Variants in ARFGEF1 observed in about 807,000 individuals in gnomAD.
ARFGEF1 encodes ARF guanine nucleotide exchange factor 1, also known as brefeldin A-inhibited guanine nucleotide-exchange protein 1.
In ARFGEF1, 42 loss-of-function variants were observed where a neutral mutation model predicts 231.0. The ratio of observed to expected loss-of-function variants is 0.18; its 90% CI spans 0.14 to 0.24. ARFGEF1 has a LOEUF of 0.24. ARFGEF1 is among the 10% of genes least tolerant of loss of function. The probability of loss-of-function intolerance (pLI) is 1.00; values close to 1 mark genes in which losing one functional copy is unlikely to be tolerated. For synonymous variants in ARFGEF1, 710 were observed against 732.3 expected (o/e 0.97, Z 0.49); for missense variants, 1,345 against 2,192.0 (o/e 0.61, Z 7.72).
intron 14 of ARFGEF1, among the ~76,000 whole-genome samples, chr8:67,262,957 C>T (rs968251075): frequency 6.6e-6 from 1 of 152,142 alleles, no homozygotes; most frequent in African/African-American, 2.4e-5. Flanking sequence ...TGGTATGGAA[C>T]TGAACCCACA....
chr8:67,245,211 C>A lies in ARFGEF1; in HGVS notation c.2851-4921G>T, dbSNP rs540459072. ...TTTCATCAACACCAGACATGTCCTGCATGAAATGCTAAAGGGAGTACTTCA... is the reference window on the plus strand; with the variant it reads ...TTTCATCAACACCAGACATGTCCTGAATGAAATGCTAAAGGGAGTACTTCA... On this transcript the variant is annotated intron_variant, in intron 19 of 38. Coordinates refer to ENST00000262215, the MANE Select transcript of ARFGEF1 (RefSeq NM_006421.5). Among the ~76,000 whole-genome samples, 30 of 150,536 alleles carry A rather than the reference C, an allele frequency of 2.0e-4. 3 individuals are homozygous for A. The highest frequency in any genetic ancestry group is 5.7e-4 in the African/African-American group (23 of 40,406).
At chr8:67,222,190 T>TATATATATACACACAC (rs1554636816) in intron 29 of ARFGEF1, among the ~76,000 whole-genome samples, 2 of 134,934 alleles carry the variant, frequency 1.5e-5, no homozygotes, top group South Asian at 2.3e-4. Flanking sequence ...CACATATATA[T>TATATATATACACACAC]ATATATATAT....
At chr8:67,241,802 G>C (rs1839938220) in intron 19 of ARFGEF1, among the ~76,000 whole-genome samples, 1 of 152,044 alleles carries the variant, frequency 6.6e-6, no homozygotes. Flanking sequence ...CACTGAAAGG[G>C]ACATTGAAGG....
At chr8:67,283,859 ACT>A (rs1805639266) in intron 7 of ARFGEF1, among the ~76,000 whole-genome samples, 1 of 152,184 alleles carries the variant, frequency 6.6e-6, no homozygotes, top group Admixed American at 6.5e-5. Flanking sequence ...AGAGAAAGGC[ACT>A]CTCATACATT....
At chr8:67,292,769 G>C (rs900623275) in intron 5 of ARFGEF1, among the ~76,000 whole-genome samples, 3 of 151,876 alleles carry the variant, frequency 2.0e-5, no homozygotes, top group Admixed American at 1.3e-4. Context: ...CATTAACTGG[G>C]ATCACAAGAT....
intron 9 of ARFGEF1, among the ~76,000 whole-genome samples, chr8:67,274,194 G>A (rs1046221041): frequency 1.3e-5 from 2 of 151,976 alleles, no homozygotes; most frequent in Non-Finnish European, 2.9e-5. Flanking sequence ...TTTTCATGGG[G>A]TAGTTTCAAA....
downstream of ARFGEF1, chr8:67,193,736 A>G: frequency 1.5e-6 from 1 of 648,832 alleles, no homozygotes; most frequent in Non-Finnish European, 2.5e-6. Context: ...GGCCCAAGAC[A>G]TAGTAACTAT....
intron 1 of ARFGEF1, among the ~76,000 whole-genome samples, chr8:67,310,968 G>GGGGGTCAGCTCCC (rs574813309): frequency 6.9e-6 from 1 of 145,342 alleles, no homozygotes. Flanking sequence ...AGGGAGGTGG[G>GGGGGTCAGCTCCC]GCCCGGGAGG....
chr8:67,292,233 G>A, intron 5 of ARFGEF1, 110 bp from the exon 6 acceptor site: 1 of 866,994 alleles, frequency 1.2e-6, no homozygotes. Context: ...CTCTACGCTT[G>A]GAAATTAAAG....
At chr8:67,272,660 T>C (rs1587184593) in intron 9 of ARFGEF1, among the ~76,000 whole-genome samples, 1 of 152,196 alleles carries the variant, frequency 6.6e-6, no homozygotes, top group South Asian at 2.1e-4. Context: ...TCCAATGGAC[T>C]TTTTTCTGGT....
chr8:67,202,527 G>A (rs564986899), intron 36 of ARFGEF1, among the ~76,000 whole-genome samples: 5 of 152,222 alleles, frequency 3.3e-5, no homozygotes, highest in Admixed American at 2.0e-4. Flanking sequence ...CCGAGTAGCC[G>A]GAACTACAGG....
chr8:67,193,539 AGAGT>A, downstream of ARFGEF1: 1 of 1,613,430 alleles, frequency 6.2e-7, no homozygotes, highest in Non-Finnish European at 8.5e-7. Context: ...TGATGAGCTT[AGAGT>A]GAGAAATGAG....
rs964737658 is a variant in ARFGEF1, at chr8:67,267,915, C to T, written c.1573-473G>A. ...CAATAAAAACAATCTAAGTCTCATA[C>T]GGTTTTATTTTTCTAATTACTCACA... On this transcript the variant is annotated intron_variant, in intron 10 of 38. Coordinates refer to ENST00000262215, the MANE Select transcript of ARFGEF1 (RefSeq NM_006421.5). 3.9e-5 allele frequency among the ~76,000 whole-genome samples: 6 copies of T among 152,204 alleles called. No individual in the cohort carries two copies. In the South Asian group the frequency reaches 8.3e-4, roughly 21 times the overall value.
chr8:67,275,920 A>C, intron 9 of ARFGEF1, 56 bp downstream of exon 9: 1 of 1,599,570 alleles, frequency 6.3e-7, no homozygotes, highest in Non-Finnish European at 8.5e-7. Flanking sequence ...TTACCTTAAC[A>C]GTAAGTTTCA....
chr8:67,237,545 G>A (rs71515060), intron 22 of ARFGEF1, among the ~76,000 whole-genome samples: 2,328 of 152,132 alleles, frequency 0.015, 16 homozygotes, highest in Middle Eastern at 0.027. Flanking sequence ...TAAGTAATGC[G>A]TCCAGATTGG....
chr8:67,299,103 G>T, intron 4 of ARFGEF1, 106 bp downstream of exon 4: 1 of 1,111,784 alleles, frequency 9.0e-7, no homozygotes, highest in Non-Finnish European at 1.2e-6. Context: ...CTGTATTATA[G>T]CTGGAATGCA....
chr8:67,183,482 AAT>A (rs1833554799), intron 5 of ARFGEF1, among the ~76,000 whole-genome samples: 1 of 152,234 alleles, frequency 6.6e-6, no homozygotes, highest in African/African-American at 2.4e-5. Flanking sequence ...ACTAGAAATC[AAT>A]AACAGAAAGA....
At chr8:67,214,864 G>A (rs558484829) in intron 33 of ARFGEF1, among the ~76,000 whole-genome samples, 321 of 152,308 alleles carry the variant, frequency 2.1e-3, no homozygotes, top group Non-Finnish European at 3.2e-3. Flanking sequence ...GGTCAACAGA[G>A]CTACAAACGT....
At chr8:67,241,578 CTG>C (rs1456861034) in intron 19 of ARFGEF1, among the ~76,000 whole-genome samples, 1 of 152,114 alleles carries the variant, frequency 6.6e-6, no homozygotes, top group African/African-American at 2.4e-5. Flanking sequence ...GCACTCATAA[CTG>C]TACGAACCTT....
Sources: allele counts gnomAD v4.1 joint callset (sites outside exome capture counted in the v4.1 genomes callset), GRCh38; gene constraint gnomAD v4.1.1; transcripts MANE v1.5; gene names NCBI Gene and HGNC (gene_info 2026-07-23, HGNC 2026-07-21).